The following FOCAD variants were observed in gnomAD, a reference collection of about 807,000 sequenced individuals.
FOCAD encodes KIAA1797.
In FOCAD, 198 loss-of-function variants were observed where a neutral mutation model predicts 225.6. That is an observed-to-expected ratio of 0.88 (90% CI 0.78 to 0.99). FOCAD has a LOEUF of 0.99. Among genes scored for constraint, FOCAD ranks in the 50% least tolerant of loss-of-function variants. The pLI is 0.00. For missense variants in FOCAD, 2,713 were observed against 2,123.6 expected (o/e 1.28, Z -5.46); for synonymous variants, 897 against 755.0 (o/e 1.19, Z -3.08).
At chr9:20,890,081 T>C (rs907296335) in intron 21 of FOCAD, among the ~76,000 whole-genome samples, 35 of 152,244 alleles carry the variant, frequency 2.3e-4, no homozygotes, top group African/African-American at 4.1e-4. Context: ...TTACAGTCTT[T>C]TTGTAAATTA....
At chr9:20,993,368 C>T (rs780934093) in intron 43 of FOCAD, 40 bp downstream of exon 43, 2 of 1,516,208 alleles carry the variant, frequency 1.3e-6, no homozygotes, top group Admixed American at 1.7e-5. Flanking sequence ...AGGGGAAAAA[C>T]CATTATTGTT....
intron 35 of FOCAD, among the ~76,000 whole-genome samples, chr9:20,955,620 G>A (rs529449842): frequency 6.7e-5 from 10 of 148,498 alleles, no homozygotes; most frequent in East Asian, 5.9e-4. Context: ...ATCTTTTGTC[G>A]TCATTATTAT....
chr9:20,832,932 A>G (rs968685794), intron 15 of FOCAD, among the ~76,000 whole-genome samples: 3 of 152,096 alleles, frequency 2.0e-5, no homozygotes, highest in Non-Finnish European at 2.9e-5. Flanking sequence ...TATCTTTGTA[A>G]GGCTGTGATA....
At chr9:20,955,665 T>A (rs1006413158) in intron 35 of FOCAD, among the ~76,000 whole-genome samples, 2 of 152,092 alleles carry the variant, frequency 1.3e-5, no homozygotes, top group African/African-American at 4.8e-5. Flanking sequence ...TACGCTAGCC[T>A]TAAAATCTTT....
chr9:20,988,969 T>G (rs1361387901), intron 41 of FOCAD, among the ~76,000 whole-genome samples: 1 of 152,194 alleles, frequency 6.6e-6, no homozygotes. Flanking sequence ...ACCTGCAAAA[T>G]TACCTATGAC....
intron 5 of FOCAD, among the ~76,000 whole-genome samples, chr9:20,748,526 G>A (rs1282357505): frequency 6.6e-6 from 1 of 152,020 alleles, no homozygotes; most frequent in Non-Finnish European, 1.5e-5. Context: ...GTTTCAGAGG[G>A]CTTGTAGAAA....
At chr9:20,871,661 A>G (rs936758353) in intron 18 of FOCAD, among the ~76,000 whole-genome samples, 12 of 149,864 alleles carry the variant, frequency 8.0e-5, no homozygotes, top group African/African-American at 2.9e-4. Context: ...ATTTAAAAAA[A>G]AAAACCAAAC....
chr9:20,875,682 C>T (rs1393887089), intron 19 of FOCAD: 2 of 151,936 alleles, frequency 1.3e-5, no homozygotes, highest in African/African-American at 4.8e-5. Flanking sequence ...CTCACTTGCC[C>T]CTATTACTAT....
intron 15 of FOCAD, among the ~76,000 whole-genome samples, chr9:20,832,492 A>C (rs1192521961): frequency 6.6e-6 from 1 of 152,072 alleles, no homozygotes; most frequent in Admixed American, 6.6e-5. Flanking sequence ...AAATAAGTAC[A>C]TCATGGAGAA....
At chr9:20,722,324 C>A (rs1013593763) in intron 4 of FOCAD, among the ~76,000 whole-genome samples, 4 of 152,130 alleles carry the variant, frequency 2.6e-5, no homozygotes, top group African/African-American at 9.7e-5. Flanking sequence ...TCTAGACATC[C>A]ACAACTCTTC....
chr9:20,735,705 T>C (rs1827100132), intron 4 of FOCAD, among the ~76,000 whole-genome samples: 2 of 151,658 alleles, frequency 1.3e-5, no homozygotes, highest in South Asian at 4.2e-4. Flanking sequence ...TTTTTTTTTT[T>C]TGAAACGGGA....
At chr9:20,732,092 A>T (rs992901436) in intron 4 of FOCAD, among the ~76,000 whole-genome samples, 1 of 152,028 alleles carries the variant, frequency 6.6e-6, no homozygotes, top group African/African-American at 2.4e-5. Flanking sequence ...TCTTTTCCCT[A>T]ATGCTCTCCT....
intron 4 of FOCAD, among the ~76,000 whole-genome samples, chr9:20,735,843 T>TA (rs35194944): frequency 0.96 from 142,865 of 148,472 alleles, 68,752 homozygotes; most frequent in South Asian, 0.99. Flanking sequence ...GTTTTATCTT[T>TA]AAAAAAAAAA....
intron 4 of FOCAD, among the ~76,000 whole-genome samples, chr9:20,735,326 TA>T (rs1827059559): frequency 6.6e-6 from 1 of 150,378 alleles, no homozygotes; most frequent in South Asian, 2.1e-4. Flanking sequence ...TGTTATTTTT[TA>T]CATTTTTTCT....
chr9:20,731,425 A>G (rs1179273043), intron 4 of FOCAD, among the ~76,000 whole-genome samples: 1 of 152,174 alleles, frequency 6.6e-6, no homozygotes, highest in East Asian at 1.9e-4. Context: ...CACAACCAGT[A>G]ATAGCATTCA....
At chr9:20,982,234 G>T in intron 38 of FOCAD, 123 bp from the exon 39 acceptor site, 1 of 588,294 alleles carries the variant, frequency 1.7e-6, no homozygotes, top group Non-Finnish European at 2.8e-6. Context: ...GTTTTGGTTT[G>T]GTTAAAATTA....
chr9:20,878,304 T>C (rs1466632645), intron 19 of FOCAD, among the ~76,000 whole-genome samples: 2 of 152,202 alleles, frequency 1.3e-5, no homozygotes, highest in Admixed American at 1.3e-4. Flanking sequence ...TTGTGTTTTT[T>C]GCCTGCGTTT....
At chr9:20,940,477 G>T (rs765977183) in intron 28 of FOCAD, among the ~76,000 whole-genome samples, 2 of 152,002 alleles carry the variant, frequency 1.3e-5, no homozygotes, top group African/African-American at 2.4e-5. Flanking sequence ...TAGAGACAGG[G>T]TCTTACTGTG....
intron 21 of FOCAD, among the ~76,000 whole-genome samples, chr9:20,889,057 C>A (rs1831380729): frequency 1.3e-5 from 2 of 152,168 alleles, no homozygotes; most frequent in South Asian, 2.1e-4. Flanking sequence ...AGTTGTGTAA[C>A]CATTCCCACA....
Sources: allele counts gnomAD v4.1 joint callset (sites outside exome capture counted in the v4.1 genomes callset), GRCh38; gene constraint gnomAD v4.1.1; transcripts MANE v1.5; gene names NCBI Gene and HGNC (gene_info 2026-07-23, HGNC 2026-07-21).